The following MPP2 variants were observed in gnomAD, a reference collection of about 807,000 sequenced individuals.
The protein encoded by MPP2 is MAGUK p55 scaffold protein 2.
MPP2 carries 42 observed loss-of-function variants against 58.5 expected under a neutral mutation model. The observed-to-expected ratio is 0.72, with a 90% confidence interval of 0.56 to 0.93. The LOEUF is 0.93. Among genes scored for constraint, MPP2 ranks in the 40% least tolerant of loss-of-function variants. MPP2 has a pLI of 0.00. For synonymous variants in MPP2, 300 were observed against 307.8 expected (o/e 0.97, Z 0.26); for missense variants, 632 against 760.4 (o/e 0.83, Z 1.99).
chr17:43,880,734 C>T lies in MPP2; in HGVS notation c.1107G>A (p.Lys369=). 6.2e-7 allele frequency: 1 copy of T among 1,613,868 alleles called. No homozygotes were observed. Among genetic ancestry groups the T allele is most frequent in the Non-Finnish European group, 8.5e-7 (1 of 1,179,844 alleles). Reference sequence around the variant, plus strand: ...AGCGATCTGGATCCCACATGATGAGCTTGTTCTTCAGGCTGCGCCGTCCCA... The same window carrying T: ...AGCGATCTGGATCCCACATGATGAGTTTGTTCTTCAGGCTGCGCCGTCCCA... ...QGVGRRSLKN[K]LIMWDPDRYG... Residue 369 remains lysine, a synonymous_variant, in exon 10 of 13, where the codon AAG becomes AAA. Transcript: ENST00000269095. This position sits in a 1 kb window ranked among gnomAD's most constrained non-coding sequence, Gnocchi z 5.2.
chr17:43,907,642 T>A, upstream of MPP2: 4 of 985,576 alleles, frequency 4.1e-6, no homozygotes, highest in Non-Finnish European at 4.8e-6. Context: ...CCGGCACAAC[T>A]CGGAGGAAGT....
chr17:43,906,692 C>T (rs1381944687), intron 1 of MPP2, among the ~76,000 whole-genome samples: 2 of 152,124 alleles, frequency 1.3e-5, no homozygotes, highest in East Asian at 1.9e-4. Flanking sequence ...ATCAGATCAC[C>T]CCTGCCCCAA....
chr17:43,893,110 G>C (rs1004647359), intron 3 of MPP2, among the ~76,000 whole-genome samples: 7 of 152,190 alleles, frequency 4.6e-5, no homozygotes, highest in Non-Finnish European at 7.3e-5. Context: ...CTGTCGAGTG[G>C]ACTGGACCAG....
intron 3 of MPP2, among the ~76,000 whole-genome samples, chr17:43,888,484 T>C (rs1374303617): frequency 6.6e-6 from 1 of 152,190 alleles, no homozygotes; most frequent in Non-Finnish European, 1.5e-5. Context: ...CCTAGGACAA[T>C]GTTGGAATCA....
chr17:43,880,058 C>T lies in MPP2; in HGVS notation c.1151-74G>A. Reference sequence around the variant, plus strand: ...GTGCCTCAGACACATATATGCACCCCTACCCAGGCCCCCGTTTCCCAGCCT... The same window carrying T: ...GTGCCTCAGACACATATATGCACCCTTACCCAGGCCCCCGTTTCCCAGCCT... On this transcript the variant is annotated intron_variant, in intron 10 of 12. Transcript: ENST00000269095. The surrounding 1 kb of genome is among the most constrained non-coding windows in gnomAD (Gnocchi z 5.2). 7.0e-7 allele frequency: 1 copy of T among 1,429,426 alleles called. No homozygotes were observed. The highest frequency in any genetic ancestry group is 1.8e-5 in the Admixed American group (1 of 56,140). The allele number at this position is 1,429,426 out of a possible 1,614,324, so 88.5% of individuals were successfully genotyped here.
chr17:43,904,707 G>A (rs1216906470), intron 1 of MPP2, among the ~76,000 whole-genome samples: 1 of 152,182 alleles, frequency 6.6e-6, no homozygotes, highest in Non-Finnish European at 1.5e-5. Flanking sequence ...GGAGACCAGG[G>A]AGGATAAGGG....
In MPP2 at chr17:43,880,555, G is replaced by T; in HGVS notation, c.1150+136C>A. The T allele has an allele frequency of 1.0e-6, 1 of 973,162 alleles. No homozygotes were observed. The highest frequency in any genetic ancestry group is 1.4e-6 in the Non-Finnish European group (1 of 694,330). The allele number at this position is 973,162 out of a possible 1,614,324, so 60.3% of individuals were successfully genotyped here. On this transcript the variant is annotated intron_variant, in intron 10 of 12. Coordinates refer to ENST00000269095, the MANE Select transcript of MPP2 (RefSeq NM_005374.5). The surrounding 1 kb of genome is among the most constrained non-coding windows in gnomAD (Gnocchi z 5.2). ...GTTCCCCTAACCACCCACAGAGGGC[G>T]TGCACCCCAACCCGTGTACCCAAAG...
chr17:43,898,093 G>A (rs2047925417), intron 3 of MPP2, 169 bp downstream of exon 3: 2 of 622,262 alleles, frequency 3.2e-6, no homozygotes, highest in South Asian at 3.8e-5. Context: ...CCCTCTACCT[G>A]CAGCCACTCA....
At chr17:43,885,647 G>C (rs1277177153) in intron 3 of MPP2, among the ~76,000 whole-genome samples, 1 of 152,042 alleles carries the variant, frequency 6.6e-6, no homozygotes, top group African/African-American at 2.4e-5. Flanking sequence ...TATTTGTTCT[G>C]TCCTTCAATA....
upstream of MPP2, chr17:43,909,641 CATT>C: frequency 6.9e-7 from 1 of 1,444,142 alleles, no homozygotes; most frequent in African/African-American, 1.4e-5. Context: ...GAGCCCAACT[CATT>C]ATTCTTAGCG....
chr17:43,909,635 C>A, upstream of MPP2: 2 of 1,454,688 alleles, frequency 1.4e-6, no homozygotes, highest in South Asian at 1.4e-5. Context: ...GAGGTGGAGC[C>A]CAACTCATTA....
In MPP2 at chr17:43,904,457, G is replaced by A; in HGVS notation, c.4C>T (p.Pro2Ser). The change falls in exon 2 of 13, where the codon CCG becomes TCG. Residue 2 changes from proline (P) to serine (S), a missense_variant. Physicochemically the swap from Pro to Ser is moderately conservative, Grantham distance 74. Coordinates refer to ENST00000269095, the MANE Select transcript of MPP2 (RefSeq NM_005374.5). MPVAATNSETAM... is the reference protein window; with the variant it reads MSVAATNSETAM... The stretch of plus-strand genomic sequence containing the variant: ...GTTTCAGAGTTGGTGGCGGCAACCG[G>A]CATGGTGAAGGAGGCAAGGGCTCTG... 3 of 1,614,006 alleles carry A rather than the reference G, an allele frequency of 1.9e-6. No homozygotes were observed. The highest frequency in any genetic ancestry group is 2.5e-6 in the Non-Finnish European group (3 of 1,179,892).
chr17:43,903,086 G>GACCTC (rs2048157777), intron 2 of MPP2, among the ~76,000 whole-genome samples: 1 of 152,158 alleles, frequency 6.6e-6, no homozygotes, highest in Non-Finnish European at 1.5e-5. Flanking sequence ...AGGACAGCCT[G>GACCTC]GCCAACATGG....
At chr17:43,901,429 G>A (rs1295891887) in intron 2 of MPP2, 1 of 985,378 alleles carries the variant, frequency 1.0e-6, no homozygotes, top group Non-Finnish European at 1.2e-6. Context: ...TGCACACAGG[G>A]AAAAGTGTGG....
chr17:43,905,660 G>C (rs982875226), intron 1 of MPP2: 3 of 152,312 alleles, frequency 2.0e-5, no homozygotes, highest in Admixed American at 6.5e-5. Context: ...GGTGGGGAGT[G>C]GGGGGAAGCA....
intron 2 of MPP2, among the ~76,000 whole-genome samples, chr17:43,901,955 G>A (rs2048111579): frequency 6.6e-6 from 1 of 152,152 alleles, no homozygotes; most frequent in Non-Finnish European, 1.5e-5. Flanking sequence ...CAGAGTCCAA[G>A]GCAGGGATCT....
intron 2 of MPP2, chr17:43,901,509 C>T: frequency 1.0e-6 from 1 of 985,492 alleles, no homozygotes; most frequent in South Asian, 4.7e-5. Flanking sequence ...AAGAGGCCAC[C>T]ATCAGGGTAC....
rs2046918567 is a variant in MPP2 at position 43,877,933 on chromosome 17, G to A, written c.1533C>T (p.Gly511=). ...GGCAGAGGTCAAAGTAGTGCCCGTA[G>A]CCCCGCTGGATGCGGCTGCTCTCCT... ...TVEESSRIQR[G]YGHYFDLCLV... is the part of the protein sequence containing the mutation. The change falls in exon 13 of 13, where the codon GGC becomes GGT. Residue 511 remains glycine, a synonymous_variant. Transcript: ENST00000269095. The A allele has an allele frequency of 6.2e-7, 1 of 1,614,016 alleles. No individual in the cohort carries two copies. Among genetic ancestry groups the A allele is most frequent in the Non-Finnish European group, 8.5e-7 (1 of 1,179,952 alleles).
rs757662744 is a variant in MPP2 at position 43,881,120 on chromosome 17, G to A, written c.958C>T (p.Arg320Ter). Residue 320 changes from arginine (R) to a stop codon, truncating the protein, a stop_gained, in exon 9 of 13, where the codon CGA (arginine) becomes TGA (stop). Transcript: ENST00000269095. LOFTEE classifies it high-confidence loss of function. ...TTCTTGGTGGTCAAATACATCATTC[G>A]CTTCTTTTTCTTTCCTGAAAGGCTG... ...CGSLSGKKKK[R>*]MMYLTTKNAE... The A allele has an allele frequency of 6.2e-7, 1 of 1,613,904 alleles. No homozygotes were observed.
Sources: allele counts gnomAD v4.1 joint callset (sites outside exome capture counted in the v4.1 genomes callset), GRCh38; gene constraint gnomAD v4.1.1; non-coding constraint Gnocchi (gnomAD v3.1); transcripts MANE v1.5; gene names NCBI Gene and HGNC (gene_info 2026-07-23, HGNC 2026-07-21).